The following ACSF2 variants were observed in gnomAD, a reference collection of about 807,000 sequenced individuals.
ACSF2 encodes the protein acyl-CoA synthetase family member 2.
ACSF2 carries 52 observed loss-of-function variants against 79.3 expected under a neutral mutation model. The ratio of observed to expected loss-of-function variants is 0.66; its 90% CI spans 0.53 to 0.83. The LOEUF is 0.83. Ranked by LOEUF, ACSF2 falls within the 40% of genes least tolerant of loss-of-function variation. The pLI, the probability that ACSF2 is intolerant of heterozygous loss-of-function variation, is 0.00. For synonymous variants in ACSF2, 283 were observed against 312.6 expected (o/e 0.91, Z 1.00); for missense variants, 661 against 803.3 (o/e 0.82, Z 2.14).
At chr17:50,468,355 C>A in intron 10 of ACSF2, 2 of 1,614,036 alleles carry the variant, frequency 1.2e-6, no homozygotes, top group Non-Finnish European at 1.7e-6. Context: ...TGTTGTTGAG[C>A]TGCAAGATGA....
intron 1 of ACSF2, among the ~76,000 whole-genome samples, chr17:50,445,152 G>T (rs62062130): frequency 0.23 from 34,951 of 151,864 alleles, 4,281 homozygotes; most frequent in Middle Eastern, 0.37. Context: ...TGGACTCAGG[G>T]AATCCTCCTG....
At position 50,471,237 on chromosome 17, in the gene ACSF2, C is replaced by T. The variant is rs767054147; in HGVS notation, c.1323+102C>T. On this transcript the variant is annotated intron_variant, in intron 11 of 15. Transcript: ENST00000300441. The surrounding 1 kb of genome is among the most constrained non-coding windows in gnomAD (Gnocchi z 4.1). ...CTTTCAGTGAGAGAGTCAAATGGCT[C>T]ACTCAGGATGCCTAGAGCCCCCCAG... is the stretch of plus-strand genomic sequence containing the variant. 2.9e-4 allele frequency: 270 copies of T among 933,618 alleles called. 4 individuals are homozygous for T. Among genetic ancestry groups the T allele is most frequent in the Middle Eastern group, 2.1e-3 (7 of 3,282 alleles). 57.8% of individuals were successfully genotyped at this position (933,618 alleles called of 1,614,324 possible).
At chr17:50,447,812 A>G (rs76587847) in intron 1 of ACSF2, among the ~76,000 whole-genome samples, 1 of 152,200 alleles carries the variant, frequency 6.6e-6, no homozygotes, top group East Asian at 1.9e-4. Flanking sequence ...AGTCTGACTG[A>G]CGCTTGAGGC....
intron 10 of ACSF2, chr17:50,465,125 G>A: frequency 2.9e-6 from 2 of 691,840 alleles, no homozygotes. Flanking sequence ...GAAGTCCTGG[G>A]CAGGACCTTT....
chr17:50,444,328 G>A (rs2047732109), intron 1 of ACSF2, among the ~76,000 whole-genome samples: 2 of 152,072 alleles, frequency 1.3e-5, no homozygotes, highest in African/African-American at 2.4e-5. Context: ...TGAGATGGAC[G>A]GATCACTTGA....
At chr17:50,452,656 C>T (rs1268732225) in intron 1 of ACSF2, among the ~76,000 whole-genome samples, 1 of 151,808 alleles carries the variant, frequency 6.6e-6, no homozygotes, top group Non-Finnish European at 1.5e-5. Context: ...ACGTTCTACA[C>T]GTGTATCCCA....
intron 10 of ACSF2, chr17:50,465,192 T>G: frequency 7.2e-7 from 1 of 1,397,808 alleles, no homozygotes; most frequent in Non-Finnish European, 9.8e-7. Context: ...AAATGGAGGG[T>G]CTGCCTGACC....
At chr17:50,461,494 T>C in intron 3 of ACSF2, 124 bp downstream of exon 3, 1 of 1,587,126 alleles carries the variant, frequency 6.3e-7, no homozygotes, top group Non-Finnish European at 8.6e-7. Flanking sequence ...AGGTAGTGCT[T>C]TCTCCTGAGG....
At chr17:50,462,953 C>T in intron 6 of ACSF2, 1 of 600,198 alleles carries the variant, frequency 1.7e-6, no homozygotes, top group East Asian at 2.8e-5. Context: ...ATGTAAGTGG[C>T]ATGAGAACGG....
chr17:50,446,891 G>A (rs1023512043), intron 1 of ACSF2, among the ~76,000 whole-genome samples: 2 of 152,014 alleles, frequency 1.3e-5, no homozygotes, highest in African/African-American at 2.4e-5. Context: ...CTGTTCCATC[G>A]TTGATGGACA....
At chr17:50,426,421 G>A in intron 1 of ACSF2, 32 bp downstream of exon 1, 1 of 1,295,804 alleles carries the variant, frequency 7.7e-7, no homozygotes, top group Non-Finnish European at 9.9e-7. Context: ...AGAGGGGGCG[G>A]GGCAGTTCCC....
intron 4 of ACSF2, among the ~76,000 whole-genome samples, chr17:50,461,922 G>A (rs1004405568): frequency 7.0e-6 from 1 of 142,386 alleles, no homozygotes; most frequent in African/African-American, 2.7e-5. Flanking sequence ...GTGTGTCAGG[G>A]CAGAGGTGTG....
chr17:50,428,147 C>T (rs756387774), intron 1 of ACSF2, among the ~76,000 whole-genome samples: 5 of 152,176 alleles, frequency 3.3e-5, no homozygotes, highest in Non-Finnish European at 7.3e-5. Context: ...CGTCATCATG[C>T]CACTGCACTC....
At chr17:50,460,159 G>A (rs1470227169) in intron 1 of ACSF2, 8 of 455,664 alleles carry the variant, frequency 1.8e-5, no homozygotes, top group Non-Finnish European at 3.5e-5. Context: ...GCCTCCATCT[G>A]CCCTCTCCTT....
Position 50,462,307 on chromosome 17 carries a change from G to C in ACSF2, c.626+5G>C. 1 of 1,613,860 alleles carries C rather than the reference G, an allele frequency of 6.2e-7. No homozygotes were observed. The highest frequency in any genetic ancestry group is 8.5e-7 in the Non-Finnish European group (1 of 1,179,918). ...AGGGGCCTTGAAGAGTCAGAGGTGG[G>C]TGTGTCCCAGGTTAGTGGGTGGTGC... is the stretch of plus-strand genomic sequence containing the variant. On this transcript the variant is annotated splice_donor_5th_base_variant and intron_variant, in intron 5 of 15. Transcript: ENST00000300441.
intron 1 of ACSF2, among the ~76,000 whole-genome samples, chr17:50,436,501 C>T (rs1303800473): frequency 2.6e-5 from 4 of 151,822 alleles, no homozygotes; most frequent in East Asian, 3.9e-4. Context: ...GGTGCAATCT[C>T]GGATCACTGC....
intron 1 of ACSF2, among the ~76,000 whole-genome samples, chr17:50,448,216 A>G (rs910354080): frequency 3.3e-5 from 5 of 152,244 alleles, no homozygotes; most frequent in South Asian, 2.1e-4. Flanking sequence ...ACTGTAGGCA[A>G]TTGTAACACA....
intron 1 of ACSF2, among the ~76,000 whole-genome samples, chr17:50,451,792 G>A (rs1183138361): frequency 6.6e-6 from 1 of 152,218 alleles, no homozygotes. Context: ...TGAGCATGAT[G>A]TGGTACCTCA....
chr17:50,447,691 C>T (rs1483294592), intron 1 of ACSF2, among the ~76,000 whole-genome samples: 5 of 152,090 alleles, frequency 3.3e-5, no homozygotes, highest in Non-Finnish European at 5.9e-5. Context: ...AGGGAATACA[C>T]TCAATAGAGG....
Sources: allele counts gnomAD v4.1 joint callset (sites outside exome capture counted in the v4.1 genomes callset), GRCh38; gene constraint gnomAD v4.1.1; non-coding constraint Gnocchi (gnomAD v3.1); transcripts MANE v1.5; gene names NCBI Gene and HGNC (gene_info 2026-07-23, HGNC 2026-07-21).